Variants in ROBO2 observed in about 807,000 individuals in gnomAD.
The protein encoded by ROBO2 is roundabout homolog 2.
Under a neutral mutation model 160.8 loss-of-function variants are expected in ROBO2, and 53 were observed. The ratio of observed to expected loss-of-function variants is 0.33; its 90% CI spans 0.26 to 0.41. ROBO2 has a LOEUF of 0.41. Among genes scored for constraint, ROBO2 ranks in the 10% least tolerant of loss-of-function variants. The pLI, the probability that ROBO2 is intolerant of heterozygous loss-of-function variation, is 1.00. For synonymous variants in ROBO2, 664 were observed against 611.7 expected, an observed-to-expected ratio of 1.09 and a Z score of -1.26; for missense variants, 1,577 against 1,722.4, an observed-to-expected ratio of 0.92 and a Z score of 1.49.
intron 2 of ROBO2, among the ~76,000 whole-genome samples, chr3:76,427,875 A>G (rs1021922807): frequency 6.6e-5 from 10 of 152,110 alleles, no homozygotes; most frequent in Admixed American, 1.3e-4. Context: ...AATCAGTCAC[A>G]TTGATTAGTA....
chr3:77,644,977 A>G, intron 25 of ROBO2, 73 bp downstream of exon 27: 1 of 1,435,248 alleles, frequency 7.0e-7, no homozygotes, highest in Non-Finnish European at 9.8e-7. Context: ...TGCCACATTA[A>G]ACAAATTTCA....
chr3:76,235,881 T>C (rs1704912819), intron 2 of ROBO2, among the ~76,000 whole-genome samples: 1 of 152,098 alleles, frequency 6.6e-6, no homozygotes, highest in South Asian at 2.1e-4. Flanking sequence ...GTTTCTTTGG[T>C]GGAGAATTTT....
intron 2 of ROBO2, among the ~76,000 whole-genome samples, chr3:76,123,190 A>G (rs995584385): frequency 5.3e-5 from 8 of 152,132 alleles, no homozygotes; most frequent in African/African-American, 1.9e-4. Context: ...ATTCATGGTG[A>G]AAATATATTG....
intron 5 of ROBO2, among the ~76,000 whole-genome samples, chr3:77,504,405 G>T (rs1259600961): frequency 7.0e-6 from 1 of 143,668 alleles, no homozygotes; most frequent in Non-Finnish European, 1.5e-5. Context: ...GACATTCAGT[G>T]CAGTGCTTCT....
intron 2 of ROBO2, among the ~76,000 whole-genome samples, chr3:76,242,034 T>C (rs1705318697): frequency 6.6e-6 from 1 of 152,224 alleles, no homozygotes; most frequent in African/African-American, 2.4e-5. Context: ...CTCTGAAATA[T>C]TATCTTCATA....
chr3:76,961,077 C>A (rs1364169307), intron 2 of ROBO2, among the ~76,000 whole-genome samples: 1 of 150,962 alleles, frequency 6.6e-6, no homozygotes, highest in Non-Finnish European at 1.5e-5. Context: ...CAATTTGGAC[C>A]AAAGTTGGGG....
exon 14 of ROBO2, chr3:77,574,693 G>T (rs1261182425): frequency 6.2e-7 from 1 of 1,613,114 alleles, no homozygotes; most frequent in South Asian, 1.1e-5. Flanking sequence ...TCCAAGGAAT[G>T]GATAGTGAAT....
chr3:75,924,671 A>C (rs373702128), intron 1 of ROBO2, among the ~76,000 whole-genome samples: 12 of 65,076 alleles, frequency 1.8e-4, no homozygotes, highest in East Asian at 8.7e-4. Flanking sequence ...TTGGGAATTT[A>C]TTTTCTTTTC....
chr3:76,347,624 T>C (rs1200934533), intron 2 of ROBO2, among the ~76,000 whole-genome samples: 1 of 152,000 alleles, frequency 6.6e-6, no homozygotes, highest in Admixed American at 6.6e-5. Flanking sequence ...TCTTATACTT[T>C]TTAGAGTTGT....
chr3:76,304,747 C>CTTCTTTCTTTCTTTCT (rs1222058179), intron 2 of ROBO2, among the ~76,000 whole-genome samples: 277 of 101,658 alleles, frequency 2.7e-3, no homozygotes, highest in Admixed American at 3.3e-3. Context: ...CTTTTCTTTC[C>CTTCTTTCTTTCTTTCT]TTCTTTCTTT....
intron 2 of ROBO2, among the ~76,000 whole-genome samples, chr3:76,282,848 C>T (rs955139944): frequency 6.6e-6 from 1 of 151,692 alleles, no homozygotes; most frequent in Non-Finnish European, 1.5e-5. Flanking sequence ...AGTAAGAAAA[C>T]ACACATACTT....
At chr3:75,924,534 CA>C (rs1009991913) in intron 1 of ROBO2, among the ~76,000 whole-genome samples, 1 of 151,750 alleles carries the variant, frequency 6.6e-6, no homozygotes, top group Non-Finnish European at 1.5e-5. Context: ...AGTATAAAGA[CA>C]AAAAATGTGT....
intron 2 of ROBO2, among the ~76,000 whole-genome samples, chr3:76,967,349 A>T (rs2059351177): frequency 6.6e-6 from 1 of 151,118 alleles, no homozygotes; most frequent in Admixed American, 6.6e-5. Flanking sequence ...GGGATTACAG[A>T]CATGTGCAAC....
intron 5 of ROBO2, among the ~76,000 whole-genome samples, chr3:77,499,009 G>GA (rs936296792): frequency 6.6e-6 from 1 of 152,162 alleles, no homozygotes; most frequent in Non-Finnish European, 1.5e-5. Context: ...AAGTGTAAAT[G>GA]AAAAATCTTT....
At chr3:77,188,417 A>C (rs2081483365) in intron 2 of ROBO2, among the ~76,000 whole-genome samples, 1 of 151,840 alleles carries the variant, frequency 6.6e-6, no homozygotes, top group South Asian at 2.1e-4. Context: ...TTATGGAAAA[A>C]AATTCTGACA....
chr3:76,830,989 C>CA (rs1480527870), intron 2 of ROBO2, among the ~76,000 whole-genome samples: 1 of 151,706 alleles, frequency 6.6e-6, no homozygotes, highest in Admixed American at 6.6e-5. Context: ...CCCTGTTGTT[C>CA]AAAAAAATAA....
At chr3:76,994,587 G>A (rs568299765) in intron 2 of ROBO2, among the ~76,000 whole-genome samples, 26 of 152,238 alleles carry the variant, frequency 1.7e-4, no homozygotes, top group Middle Eastern at 3.4e-3. Flanking sequence ...TAGCAAGTAA[G>A]AAATTCTTAT....
At chr3:77,302,262 T>TA (rs1231066120) in intron 2 of ROBO2, among the ~76,000 whole-genome samples, 135 of 150,722 alleles carry the variant, frequency 9.0e-4, no homozygotes, top group Middle Eastern at 6.8e-3. Flanking sequence ...TTCTCAATAA[T>TA]AAAAAAAAAG....
intron 2 of ROBO2, among the ~76,000 whole-genome samples, chr3:76,292,119 C>T (rs1016934626): frequency 4.6e-5 from 7 of 152,096 alleles, no homozygotes; most frequent in African/African-American, 1.7e-4. Context: ...TTGAAGTCTC[C>T]TGCTATGATT....
Sources: gnomAD v4.1 joint callset for allele counts (sites outside exome capture counted in the v4.1 genomes callset) on GRCh38, gnomAD v4.1.1 for gene constraint, MANE v1.5 for transcripts, NCBI Gene and HGNC (gene_info 2026-07-23, HGNC 2026-07-21) for gene names.